STARD13: variants seen among roughly 807,000 people sequenced by gnomAD.
The protein encoded by STARD13 is stAR-related lipid transfer protein 13.
Under a neutral mutation model 106.4 loss-of-function variants are expected in STARD13, and 62 were observed. The observed-to-expected ratio is 0.58, with a 90% CI of 0.48 to 0.72. The LOEUF is 0.72. Among genes scored for constraint, STARD13 ranks in the 30% least tolerant of loss-of-function variants. STARD13 has a pLI of 0.00. For missense variants in STARD13, 1,387 were observed against 1,424.0 expected (o/e 0.97, Z 0.42); for synonymous variants, 565 against 553.0 (o/e 1.02, Z -0.31).
At chr13:33,676,790 A>G in the STARD13 span, 1 of 152,124 alleles carries the variant, frequency 6.6e-6, no homozygotes, top group Non-Finnish European at 1.5e-5. Flanking sequence ...CTCCCCGAGA[A>G]GAGCCCAGCC....
chr13:33,129,665 G>T lies in STARD13; in HGVS notation c.1012C>A (p.His338Asn), dbSNP rs751650663. 1.2e-6 allele frequency: 2 copies of T among 1,613,972 alleles called. No individual in the cohort carries two copies. Among genetic ancestry groups the T allele is most frequent in the Non-Finnish European group, 1.7e-6 (2 of 1,180,030 alleles). Residue 338 changes from histidine to asparagine, a missense_variant, in exon 5 of 14, where the codon CAC becomes AAC. Coordinates refer to ENST00000336934, the MANE Select transcript of STARD13 (RefSeq NM_178006.4). ...KSSGESSPSEHSSSGVSTPCL... is the reference protein window; with the variant it reads ...KSSGESSPSENSSSGVSTPCL... ...GGCGTGCTCACCCCGCTGCTGCTGT[G>T]CTCCGACGGGCTGCTCTCGCCACTC...
intron 3 of STARD13, among the ~76,000 whole-genome samples, chr13:33,154,034 C>T (rs960777805): frequency 2.6e-5 from 4 of 152,134 alleles, no homozygotes; most frequent in East Asian, 1.9e-4. Flanking sequence ...TCCATGCTGG[C>T]GGACTGTTGG....
chr13:33,602,812 G>A, the STARD13 span, among the ~76,000 whole-genome samples: 1 of 152,170 alleles, frequency 6.6e-6, no homozygotes, highest in Non-Finnish European at 1.5e-5. Context: ...AATCTAGATT[G>A]TGTGCTCCTT....
Position 33,110,671 on chromosome 13 carries a change from ATCC to A in STARD13, c.2829+12_2829+14del, listed in dbSNP as rs766682767. The A allele has an allele frequency of 6.2e-7, 1 of 1,607,694 alleles. No individual in the cohort carries two copies. Among genetic ancestry groups the A allele is most frequent in the Admixed American group, 1.7e-5 (1 of 59,938 alleles). ...GGCTTTCTGGGGGTGATCTTTTTCC[ATCC>A]TCTGAGATTACCTTTTTGAAAGCAA... On this transcript the variant is annotated intron_variant, in intron 11 of 13. Transcript: ENST00000336934.
At chr13:33,225,753 TAAA>T (rs5802674) in intron 1 of STARD13, among the ~76,000 whole-genome samples, 1 of 148,640 alleles carries the variant, frequency 6.7e-6, no homozygotes. Context: ...TTTCCTTAAT[TAAA>T]AAAAAAACAA....
chr13:33,644,966 C>T, the STARD13 span, among the ~76,000 whole-genome samples: 1 of 152,146 alleles, frequency 6.6e-6, no homozygotes, highest in African/African-American at 2.4e-5. Context: ...AATTTTCTTT[C>T]TGGGCAGAAT....
At chr13:33,286,635 G>A (rs559470086), upstream of STARD13, among the ~76,000 whole-genome samples, 1 of 152,278 alleles carries the variant, frequency 6.6e-6, no homozygotes, top group Admixed American at 6.5e-5. Flanking sequence ...CACAATGCTA[G>A]GTGAGCAATA....
intron 1 of STARD13, among the ~76,000 whole-genome samples, chr13:33,306,801 T>C (rs1892922056): frequency 6.6e-6 from 1 of 151,990 alleles, no homozygotes. Context: ...AATACAAAAA[T>C]TAGCCAGGAG....
chr13:33,341,843 G>T (rs2077964852), intron 1 of STARD13, among the ~76,000 whole-genome samples: 1 of 151,560 alleles, frequency 6.6e-6, no homozygotes, highest in African/African-American at 2.4e-5. Flanking sequence ...AGGCTGGAGT[G>T]CACTGGTACA....
chr13:33,143,932 C>A (rs1880189463), intron 3 of STARD13, among the ~76,000 whole-genome samples: 2 of 152,168 alleles, frequency 1.3e-5, no homozygotes. Flanking sequence ...TAGCAATAGT[C>A]ACAAATTAGT....
intron 1 of STARD13, among the ~76,000 whole-genome samples, chr13:33,228,832 T>C (rs1485210636): frequency 6.6e-6 from 1 of 152,180 alleles, no homozygotes; most frequent in Non-Finnish European, 1.5e-5. Context: ...GAAATATTGA[T>C]TAGACACGAG....
the STARD13 span, among the ~76,000 whole-genome samples, chr13:33,436,479 T>C: frequency 2.0e-5 from 3 of 152,202 alleles, no homozygotes; most frequent in South Asian, 2.1e-4. Context: ...TTTTATAGTA[T>C]GTGTATATTT....
At chr13:33,354,344 T>C (rs1043307582), upstream of STARD13, among the ~76,000 whole-genome samples, 1 of 152,238 alleles carries the variant, frequency 6.6e-6, no homozygotes, top group African/African-American at 2.4e-5. Context: ...TCCTTCGAGA[T>C]TCAACTCAGA....
At chr13:33,646,737 G>T in the STARD13 span, among the ~76,000 whole-genome samples, 1 of 152,022 alleles carries the variant, frequency 6.6e-6, no homozygotes, top group South Asian at 2.1e-4. Context: ...TCTGGCAAAA[G>T]GATAGGAGGA....
At chr13:33,284,319 T>C (rs1891946284) in intron 1 of STARD13, among the ~76,000 whole-genome samples, 1 of 152,214 alleles carries the variant, frequency 6.6e-6, no homozygotes, top group Non-Finnish European at 1.5e-5. Flanking sequence ...CTAGAATACA[T>C]ATTGTTCTTT....
chr13:33,393,018 T>A, the STARD13 span, among the ~76,000 whole-genome samples: 2 of 152,206 alleles, frequency 1.3e-5, no homozygotes, highest in East Asian at 3.8e-4. Flanking sequence ...CTAAGAACTT[T>A]TATAACTGAT....
the STARD13 span, among the ~76,000 whole-genome samples, chr13:33,401,035 G>T: frequency 2.0e-5 from 3 of 152,130 alleles, no homozygotes; most frequent in Non-Finnish European, 4.4e-5. Flanking sequence ...AAAGGAATAT[G>T]AAACAATCAT....
chr13:33,119,538 C>T (rs1224169015), intron 7 of STARD13, among the ~76,000 whole-genome samples: 1 of 152,134 alleles, frequency 6.6e-6, no homozygotes, highest in Non-Finnish European at 1.5e-5. Flanking sequence ...GAGAGCAGTC[C>T]TCATTCTTTT....
At chr13:33,361,957 A>G in the STARD13 span, among the ~76,000 whole-genome samples, 1 of 152,218 alleles carries the variant, frequency 6.6e-6, no homozygotes, top group East Asian at 1.9e-4. Context: ...ATATCACTTC[A>G]GTAGTGGTCA....
Sources: allele counts gnomAD v4.1 joint callset (sites outside exome capture counted in the v4.1 genomes callset), GRCh38; gene constraint gnomAD v4.1.1; transcripts MANE v1.5; gene names NCBI Gene and HGNC (gene_info 2026-07-23, HGNC 2026-07-21).